CEP63: variants seen among roughly 807,000 people sequenced by gnomAD.
CEP63 encodes the protein centrosomal protein 63.
Under a neutral mutation model 89.1 loss-of-function variants are expected in CEP63, and 84 were observed. The observed-to-expected ratio is 0.94, with a 90% CI of 0.79 to 1.13. The LOEUF is 1.13. CEP63 is among the 50% of genes most tolerant of loss of function. The pLI, the probability that CEP63 is intolerant of heterozygous loss-of-function variation, is 0.00. For missense variants in CEP63, 838 were observed against 813.3 expected, an observed-to-expected ratio of 1.03 and a Z score of -0.37; for synonymous variants, 267 against 272.5, an observed-to-expected ratio of 0.98 and a Z score of 0.20.
intron 14 of CEP63, 65 bp from the exon 15 acceptor site, chr3:134,561,312 A>G (rs527551617): frequency 7.0e-7 from 1 of 1,427,536 alleles, no homozygotes; most frequent in South Asian, 1.2e-5. Flanking sequence ...AATGTCATGA[A>G]CAGTGTATCT....
At chr3:134,533,960 C>T (rs575904503) in intron 5 of CEP63, among the ~76,000 whole-genome samples, 64 of 152,210 alleles carry the variant, frequency 4.2e-4, no homozygotes, top group African/African-American at 1.5e-3. Context: ...CCACCCTTTT[C>T]GGCAATACCT....
chr3:134,526,860 G>A (rs1454836817), intron 3 of CEP63, among the ~76,000 whole-genome samples: 1 of 152,018 alleles, frequency 6.6e-6, no homozygotes, highest in Non-Finnish European at 1.5e-5. Context: ...TTTGTTTCTG[G>A]AAGATTTTCG....
downstream of CEP63, among the ~76,000 whole-genome samples, chr3:134,579,498 A>G (rs1395697734): frequency 3.9e-5 from 6 of 152,228 alleles, no homozygotes; most frequent in Admixed American, 3.9e-4. Context: ...GTGTACTGAT[A>G]ACGCATTGTG....
At chr3:134,669,431 C>G in the CEP63 span, among the ~76,000 whole-genome samples, 1 of 152,236 alleles carries the variant, frequency 6.6e-6, no homozygotes, top group East Asian at 1.9e-4. Context: ...TACTTGTGGC[C>G]CACGTAATCC....
intron 12 of CEP63, among the ~76,000 whole-genome samples, chr3:134,556,536 C>CT (rs1956225283): frequency 6.6e-6 from 1 of 152,096 alleles, no homozygotes; most frequent in Non-Finnish European, 1.5e-5. Flanking sequence ...GTGGAGAACT[C>CT]TAAGAACTAA....
At chr3:134,779,112 G>A in the CEP63 span, among the ~76,000 whole-genome samples, 1 of 152,108 alleles carries the variant, frequency 6.6e-6, no homozygotes, top group Non-Finnish European at 1.5e-5. Context: ...CCAGCCTGTT[G>A]TGTGAAAAAT....
chr3:134,739,379 T>C, the CEP63 span, among the ~76,000 whole-genome samples: 1 of 152,170 alleles, frequency 6.6e-6, no homozygotes, highest in South Asian at 2.1e-4. Context: ...TTATTTTAAA[T>C]TGAAGATATA....
At chr3:134,523,066 A>G (rs944274895) in intron 3 of CEP63, among the ~76,000 whole-genome samples, 3 of 152,064 alleles carry the variant, frequency 2.0e-5, no homozygotes, top group African/African-American at 4.8e-5. Context: ...AGCATCTGTT[A>G]TATTTTGACT....
chr3:134,539,863 A>C lies in CEP63; in HGVS notation c.555+2595A>C, dbSNP rs181943026. Among the ~76,000 whole-genome samples the C allele has an allele frequency of 3.5e-3, 533 of 152,350 alleles. 5 individuals carry two copies. Among genetic ancestry groups the C allele is most frequent in the African/African-American group, 0.012 (501 of 41,584 alleles). On this transcript the variant is annotated intron_variant, in intron 6 of 14. Coordinates refer to ENST00000675561, the MANE Select transcript of CEP63 (RefSeq NM_001353108.3). ...TTTAGAAAAATGAGAAAATGCGGAT[A>C]AAATGAGAAATAAATAAATCACCCA...
the CEP63 span, among the ~76,000 whole-genome samples, chr3:134,769,045 A>G: frequency 6.6e-6 from 1 of 152,226 alleles, no homozygotes; most frequent in Non-Finnish European, 1.5e-5. Flanking sequence ...CGGTCAGGCC[A>G]GGGAGCTTGG....
At chr3:134,777,499 T>G in the CEP63 span, among the ~76,000 whole-genome samples, 1 of 152,096 alleles carries the variant, frequency 6.6e-6, no homozygotes, top group Non-Finnish European at 1.5e-5. Flanking sequence ...TTAACTCACT[T>G]AAAATAATTT....
intron 2 of CEP63, among the ~76,000 whole-genome samples, chr3:134,496,313 C>G (rs1295466860): frequency 1.3e-5 from 2 of 151,774 alleles, no homozygotes; most frequent in Non-Finnish European, 2.9e-5. Flanking sequence ...AGCCTCTCCA[C>G]AAGTCAGTCA....
intron 4 of CEP63, 102 bp downstream of exon 4, chr3:134,532,042 A>C (rs1949954817): frequency 1.4e-6 from 1 of 717,356 alleles, no homozygotes; most frequent in Non-Finnish European, 2.4e-6. Flanking sequence ...AAAGTGGGAA[A>C]TACATACTCC....
At chr3:134,648,584 G>A in the CEP63 span, among the ~76,000 whole-genome samples, 1 of 152,152 alleles carries the variant, frequency 6.6e-6, no homozygotes, top group East Asian at 1.9e-4. Flanking sequence ...CACTGTTCTA[G>A]GGAAATGACT....
the CEP63 span, among the ~76,000 whole-genome samples, chr3:134,660,728 T>A: frequency 1.3e-5 from 2 of 152,132 alleles, no homozygotes; most frequent in Non-Finnish European, 2.9e-5. Flanking sequence ...GTGCAGTGAG[T>A]GTGCAAGCTT....
At chr3:134,668,573 G>A in the CEP63 span, among the ~76,000 whole-genome samples, 3 of 152,112 alleles carry the variant, frequency 2.0e-5, no homozygotes, top group Non-Finnish European at 4.4e-5. Flanking sequence ...TGACCATCAA[G>A]ACAAGCCAAG....
At chr3:134,559,127 T>A (rs1262326954) in intron 13 of CEP63, 23 bp from the exon 14 acceptor site, 1 of 1,611,500 alleles carries the variant, frequency 6.2e-7, no homozygotes, top group Admixed American at 1.7e-5. Context: ...TTTATTTGTT[T>A]TGTTTTCTAA....
chr3:134,682,336 C>T, the CEP63 span, among the ~76,000 whole-genome samples: 6 of 152,084 alleles, frequency 3.9e-5, no homozygotes, highest in Admixed American at 1.3e-4. Flanking sequence ...AGTCTGCAAT[C>T]GTACTGAGAG....
downstream of CEP63, among the ~76,000 whole-genome samples, chr3:134,568,147 G>T (rs1360735414): frequency 1.3e-5 from 2 of 152,116 alleles, no homozygotes; most frequent in African/African-American, 2.4e-5. Context: ...CATCCACTGT[G>T]GATGGGCTAA....
Sources: allele counts gnomAD v4.1 joint callset (sites outside exome capture counted in the v4.1 genomes callset), GRCh38; gene constraint gnomAD v4.1.1; transcripts MANE v1.5; gene names NCBI Gene and HGNC (gene_info 2026-07-23, HGNC 2026-07-21).